Variants in WNT3A observed in about 807,000 individuals in gnomAD.
WNT3A encodes the protein Wnt family member 3A, also known as protein Wnt-3a.
WNT3A carries 17 observed loss-of-function variants against 37.0 expected under a neutral mutation model. The observed-to-expected ratio is 0.46, with a 90% CI of 0.31 to 0.69. The LOEUF is 0.69. WNT3A is among the 30% of genes least tolerant of loss of function. The probability of loss-of-function intolerance (pLI) is 0.05; values close to 1 mark genes in which losing one functional copy is unlikely to be tolerated. For missense variants in WNT3A, 411 were observed against 510.2 expected (o/e 0.81, Z 1.87); for synonymous variants, 187 against 211.0 (o/e 0.89, Z 0.99).
rs1488554671 is a variant in WNT3A, at chr1:228,050,614, G to A, written c.314-42G>A. 4.5e-6 allele frequency: 7 copies of A among 1,544,050 alleles called. No homozygotes were observed. The highest frequency in any genetic ancestry group is 3.9e-5 in the Admixed American group (2 of 51,644). ...CCTGACCTGCCCAAGGCGGTCCTTT[G>A]AGCTGAGCCCTGTTAACCCTGCATC... On this transcript the variant is annotated intron_variant, in intron 2 of 3. Transcript: ENST00000284523. The surrounding 1 kb of genome is among the most constrained non-coding windows in gnomAD (Gnocchi z 5.0).
At chr1:228,012,852 G>T (rs147322415) in intron 1 of WNT3A, among the ~76,000 whole-genome samples, 1 of 152,046 alleles carries the variant, frequency 6.6e-6, no homozygotes, top group Non-Finnish European at 1.5e-5. Context: ...TACCGAGGCC[G>T]AAGAAAAGGA....
rs553128504 is a variant in WNT3A, at chr1:228,009,397, G to T, written c.71+2198G>T. Among the ~76,000 whole-genome samples, 6 of 152,280 alleles carry T rather than the reference G, an allele frequency of 3.9e-5. No individual in the cohort carries two copies. In the South Asian group the frequency reaches 1.2e-3, roughly 32 times the overall value. On this transcript the variant is annotated intron_variant, in intron 1 of 3. Coordinates refer to ENST00000284523, the MANE Select transcript of WNT3A (RefSeq NM_033131.4). ...GCCGCTGGCATCCTACAGTTTAATA[G>T]CCTTAATAGCCGGGGAAGATTCTCT... is the stretch of plus-strand genomic sequence containing the variant.
chr1:228,052,919 T>A (rs985798855), intron 3 of WNT3A, among the ~76,000 whole-genome samples: 1 of 152,182 alleles, frequency 6.6e-6, no homozygotes, highest in Middle Eastern at 3.2e-3. Context: ...AATTCGTATG[T>A]TGTAAGCTTG....
Position 228,058,994 on chromosome 1 carries a change from C to T in WNT3A, c.588C>T (p.Ala196=), listed in dbSNP as rs764867073. 6.2e-6 allele frequency: 10 copies of T among 1,610,074 alleles called. No individual in the cohort carries two copies. In the Admixed American group the frequency reaches 1.7e-4, roughly 27 times the overall value. ...CTGCGCGTGCCCCGCAGGCCATCGCCAGCCACATGCACCTCAAGTGCAAGT... is the reference window on the plus strand; with the variant it reads ...CTGCGCGTGCCCCGCAGGCCATCGCTAGCCACATGCACCTCAAGTGCAAGT... ...HNNEAGRQAI[A]SHMHLKCKCH... The change falls in exon 4 of 4, where the codon GCC becomes GCT. Residue 196 remains alanine, a synonymous_variant. Coordinates refer to ENST00000284523, the MANE Select transcript of WNT3A (RefSeq NM_033131.4).
chr1:228,055,174 AAAAAAATATATATATATAT>A lies in WNT3A; in HGVS notation c.580-3810_580-3792del, dbSNP rs1361271261. ...ACTCCGTCCCAAAAAAAAAAAAAAAAAAAAAATATATATATATATATATATATATATATATATATATATA... is the reference window on the plus strand; with the variant it reads ...ACTCCGTCCCAAAAAAAAAAAAAAAAATATATATATATATATATATATATA... On this transcript the variant is annotated intron_variant, in intron 3 of 3. Transcript: ENST00000284523. Among the ~76,000 whole-genome samples, 162 of 64,854 alleles carry A rather than the reference AAAAAAATATATATATATAT, an allele frequency of 2.5e-3. 3 individuals carry two copies. Among genetic ancestry groups the A allele is most frequent in the African/African-American group, 8.1e-3 (121 of 14,888 alleles). The allele number at this position is 64,854 out of a possible 152,430, so 42.5% of individuals were successfully genotyped here.
At chr1:228,021,753 G>A (rs2030713314) in intron 1 of WNT3A, among the ~76,000 whole-genome samples, 1 of 152,182 alleles carries the variant, frequency 6.6e-6, no homozygotes. Flanking sequence ...TTTCTGCGCT[G>A]GGTCACGCCT....
intron 3 of WNT3A, among the ~76,000 whole-genome samples, chr1:228,053,411 G>A (rs1170527205): frequency 6.6e-6 from 1 of 152,180 alleles, no homozygotes; most frequent in Non-Finnish European, 1.5e-5. Flanking sequence ...TGACCTTAGA[G>A]TAGGCAAAGG....
intron 2 of WNT3A, among the ~76,000 whole-genome samples, chr1:228,035,393 G>T (rs2031113297): frequency 6.6e-6 from 1 of 152,178 alleles, no homozygotes; most frequent in African/African-American, 2.4e-5. Context: ...CCATGCCAAG[G>T]TTGGGGCTGA....
chr1:228,056,424 T>C (rs2031684129), intron 3 of WNT3A, among the ~76,000 whole-genome samples: 1 of 151,920 alleles, frequency 6.6e-6, no homozygotes, highest in African/African-American at 2.4e-5. Flanking sequence ...TTTTAAACAT[T>C]CAGGTTACAA....
At chr1:228,014,799 G>A (rs1451340948) in intron 1 of WNT3A, among the ~76,000 whole-genome samples, 5 of 152,204 alleles carry the variant, frequency 3.3e-5, no homozygotes, top group Admixed American at 2.6e-4. Context: ...CATCTCTGCC[G>A]TACCTCTGGC....
chr1:228,049,006 G>A (rs1006851003), intron 2 of WNT3A, among the ~76,000 whole-genome samples: 1 of 152,184 alleles, frequency 6.6e-6, no homozygotes, highest in African/African-American at 2.4e-5. Context: ...CCCATTTGGG[G>A]AAGAAGGAAG....
In WNT3A at chr1:228,007,836, G is replaced by A. The variant is rs1323667193; in HGVS notation, c.71+637G>A. ...GCCCTCTCTGCGAGCCCTCCGCATG[G>A]GTCCACCTGGCAATGAGGGGCTGCT... On this transcript the variant is annotated intron_variant, in intron 1 of 3. Transcript: ENST00000284523. The surrounding 1 kb of genome is among the most constrained non-coding windows in gnomAD (Gnocchi z 6.0). Among the ~76,000 whole-genome samples, 1 of 152,078 alleles carries A rather than the reference G, an allele frequency of 6.6e-6. No individual in the cohort carries two copies. The highest frequency in any genetic ancestry group is 2.4e-5 in the African/African-American group (1 of 41,424).
At chr1:228,053,062 C>G (rs2031592221) in intron 3 of WNT3A, among the ~76,000 whole-genome samples, 2 of 152,188 alleles carry the variant, frequency 1.3e-5, no homozygotes, top group Non-Finnish European at 2.9e-5. Context: ...CTCTCTCTTT[C>G]TATTACTTTC....
At chr1:228,034,243 C>T (rs2031084210) in intron 2 of WNT3A, among the ~76,000 whole-genome samples, 1 of 152,170 alleles carries the variant, frequency 6.6e-6, no homozygotes, top group African/African-American at 2.4e-5. Context: ...GCCTGGGCAA[C>T]AGAGTGAGAC....
At chr1:228,043,009 GGATA>G (rs1387236141) in intron 2 of WNT3A, among the ~76,000 whole-genome samples, 10 of 150,276 alleles carry the variant, frequency 6.7e-5, no homozygotes, top group East Asian at 2.0e-4. Context: ...GATAGGTAAT[GGATA>G]GATGGATGGA....
At chr1:228,052,338 T>A (rs932276407) in intron 3 of WNT3A, among the ~76,000 whole-genome samples, 3 of 152,164 alleles carry the variant, frequency 2.0e-5, no homozygotes, top group Non-Finnish European at 4.4e-5. Context: ...GAGATAGGGT[T>A]TCACCATGTT....
At chr1:228,023,007 C>T in intron 2 of WNT3A, 99 bp downstream of exon 2, 1 of 1,504,516 alleles carries the variant, frequency 6.6e-7, no homozygotes, top group Non-Finnish European at 8.9e-7. Flanking sequence ...ACGGTGGGAA[C>T]AGTGCCTCAC....
In WNT3A at chr1:228,060,561, C is replaced by A. The variant is rs2031783222; in HGVS notation, c.*1096C>A. On this transcript the variant is annotated 3_prime_UTR_variant, in exon 4 of 4. Transcript: ENST00000284523. ...CGACCGAGGCCCTCCCAAAGAGGCC[C>A]GCCCTGCCCGGGCTCCCACACCGTC... The A allele has an allele frequency of 3.9e-6, 1 of 257,996 alleles. No individual in the cohort carries two copies. Among genetic ancestry groups the A allele is most frequent in the African/African-American group, 2.2e-5 (1 of 44,544 alleles). The allele number at this position is 257,996 out of a possible 1,614,324, so 16.0% of individuals were successfully genotyped here.
At chr1:228,052,726 T>C (rs1268601850) in intron 3 of WNT3A, among the ~76,000 whole-genome samples, 1 of 152,210 alleles carries the variant, frequency 6.6e-6, no homozygotes, top group Non-Finnish European at 1.5e-5. Flanking sequence ...AGACTAATCT[T>C]CCTGCAGAAG....
Sources: allele counts gnomAD v4.1 joint callset (sites outside exome capture counted in the v4.1 genomes callset), GRCh38; gene constraint gnomAD v4.1.1; non-coding constraint Gnocchi (gnomAD v3.1); transcripts MANE v1.5; gene names NCBI Gene and HGNC (gene_info 2026-07-23, HGNC 2026-07-21).